Variants in GAB3 observed in about 807,000 individuals in gnomAD.
GAB3 encodes GRB2-associated-binding protein 3.
GAB3 carries 12 observed loss-of-function variants against 40.4 expected under a neutral mutation model. That is an observed-to-expected ratio of 0.30 (90% CI 0.19 to 0.48). The LOEUF is 0.48. Ranked by LOEUF, GAB3 falls within the 20% of genes least tolerant of loss-of-function variation. The probability of loss-of-function intolerance (pLI) is 0.99; values close to 1 mark genes in which losing one functional copy is unlikely to be tolerated. For missense variants in GAB3, 381 were observed against 461.9 expected (o/e 0.82, Z 1.61); for synonymous variants, 154 against 176.7 (o/e 0.87, Z 1.02).
Position 154,680,261 on chromosome X carries a change from A to G in GAB3, c.1531-13T>C. ...TTCGGTGCTCCTCCTAGGAACCAAC[A>G]TCACAGGAGTCAGGTTAATGATGTC... On this transcript the variant is annotated splice_polypyrimidine_tract_variant and intron_variant, in intron 8 of 9. Coordinates refer to ENST00000424127, the MANE Select transcript of GAB3 (RefSeq NM_001081573.3). 8.9e-7 allele frequency: 1 copy of G among 1,127,204 alleles called. No homozygotes were observed. 92.9% of individuals were successfully genotyped at this position (1,127,204 alleles called of 1,213,427 possible).
intron 1 of GAB3, among the ~76,000 whole-genome samples, chrX:154,722,810 T>C (rs1557258917): frequency 8.9e-6 from 1 of 112,280 alleles, no homozygotes; most frequent in African/African-American, 3.2e-5. Context: ...GAGGGACTTC[T>C]GTTGTGGGTG....
chrX:154,750,646 G>A (rs2071599373), intron 1 of GAB3, among the ~76,000 whole-genome samples: 1 of 112,517 alleles, frequency 8.9e-6, no homozygotes, highest in Admixed American at 9.3e-5. Context: ...CTCCCTGGCC[G>A]CTCCTGTACG....
At chrX:154,713,474 G>A (rs375433396) in intron 2 of GAB3, 48 bp from the exon 3 acceptor site, 14 of 1,057,392 alleles carry the variant, frequency 1.3e-5, no homozygotes, top group Admixed American at 2.3e-5. Flanking sequence ...GCTATAACAC[G>A]CACTCAAAAT....
intron 1 of GAB3, among the ~76,000 whole-genome samples, chrX:154,728,462 G>A (rs1199804750): frequency 1.8e-5 from 2 of 112,183 alleles, no homozygotes; most frequent in Non-Finnish European, 3.8e-5. Context: ...CTCCTTCTGC[G>A]CTGCTTTTTC....
In GAB3 at chrX:154,697,210, C is replaced by T. The variant is rs782319133; in HGVS notation, c.1349G>A (p.Arg450Gln). The change falls in exon 7 of 10, where the codon CGG becomes CAG. Residue 450 changes from arginine (R) to glutamine (Q), a missense_variant. Arg to Gln is a conservative substitution (Grantham distance 43). Transcript: ENST00000424127. Reference protein sequence around the residue: ...NRDLKPQRKSRPPPLDLRNLS... With the variant: ...NRDLKPQRKSQPPPLDLRNLS... The stretch of plus-strand genomic sequence containing the variant: ...GTTTCTCAGGTCCAGAGGAGGTGGC[C>T]GTGCTACAAGACAGTGTGCAACATC... 13 of 1,176,919 alleles carry T rather than the reference C, an allele frequency of 1.1e-5. No individual in the cohort carries two copies. The South Asian group carries it at 2.3e-4, about 21-fold the overall frequency.
At chrX:154,712,806 C>T (rs893072524) in intron 3 of GAB3, 105 bp from the exon 4 acceptor site, 9 of 447,098 alleles carry the variant, frequency 2.0e-5, no homozygotes, top group Non-Finnish European at 3.3e-5. Flanking sequence ...TTGCTTGCTA[C>T]TTGCATAGCC....
intron 4 of GAB3, 88 bp from the exon 5 acceptor site, chrX:154,700,147 A>C (rs2070719510): frequency 1.4e-6 from 1 of 720,366 alleles, no homozygotes; most frequent in African/African-American, 2.1e-5. Flanking sequence ...ATAACACAAC[A>C]GTTGCTATTA....
intron 1 of GAB3, among the ~76,000 whole-genome samples, chrX:154,745,539 C>T (rs1241005225): frequency 6.3e-5 from 7 of 110,965 alleles, no homozygotes; most frequent in African/African-American, 2.0e-4. Flanking sequence ...AGAAAATAAA[C>T]GAAACCAAAG....
Position 154,682,748 on chromosome X carries a change from C to T in GAB3, c.1531-2500G>A, listed in dbSNP as rs373544397. On this transcript the variant is annotated intron_variant, in intron 8 of 9. Transcript: ENST00000424127. ...ATCCCAGCACTTTGGGAGGCCGAGG[C>T]GAGCGGATCACTTGGGGTCAGGAGT... is the stretch of plus-strand genomic sequence containing the variant. Among the ~76,000 whole-genome samples, 19 of 111,121 alleles carry T rather than the reference C, an allele frequency of 1.7e-4. No individual in the cohort carries two copies. The East Asian group carries it at 3.7e-3, about 21-fold the overall frequency.
At chrX:154,729,639 G>A (rs1027144164) in intron 1 of GAB3, among the ~76,000 whole-genome samples, 2 of 112,122 alleles carry the variant, frequency 1.8e-5, no homozygotes, top group African/African-American at 6.5e-5. Context: ...GCAATTAGCA[G>A]ATAATACTAT....
intron 1 of GAB3, among the ~76,000 whole-genome samples, chrX:154,722,993 C>A (rs1456351063): frequency 9.0e-6 from 1 of 111,329 alleles, no homozygotes; most frequent in Non-Finnish European, 1.9e-5. Flanking sequence ...ATTCTCCTGC[C>A]TCAGCCTCCC....
intron 8 of GAB3, among the ~76,000 whole-genome samples, chrX:154,695,700 T>C (rs1374518287): frequency 8.9e-6 from 1 of 112,341 alleles, no homozygotes; most frequent in Non-Finnish European, 1.9e-5. Flanking sequence ...AATACTGCAA[T>C]CTCAAAATGG....
At chrX:154,750,144 T>G (rs902595496) in intron 1 of GAB3, among the ~76,000 whole-genome samples, 9 of 112,846 alleles carry the variant, frequency 8.0e-5, no homozygotes, top group Admixed American at 3.7e-4. Flanking sequence ...GCTATTTATA[T>G]GCAACTCCCT....
At chrX:154,744,691 C>A (rs1171763492) in intron 1 of GAB3, among the ~76,000 whole-genome samples, 1 of 111,975 alleles carries the variant, frequency 8.9e-6, no homozygotes, top group Non-Finnish European at 1.9e-5. Flanking sequence ...ACCAACCTGG[C>A]CTAATTAACA....
At chrX:154,690,514 C>T (rs1173996622) in intron 8 of GAB3, among the ~76,000 whole-genome samples, 1 of 112,247 alleles carries the variant, frequency 8.9e-6, no homozygotes, top group African/African-American at 3.2e-5. Context: ...TCGCAACCTA[C>T]TCATCTGACA....
chrX:154,732,235 C>T (rs1459224619), intron 1 of GAB3, among the ~76,000 whole-genome samples: 1 of 111,831 alleles, frequency 8.9e-6, no homozygotes, highest in African/African-American at 3.3e-5. Context: ...AAAAATACAA[C>T]ATCATTTTGT....
Position 154,713,209 on chromosome X carries a change from G to C in GAB3, c.594C>G (p.Thr198=). The change falls in exon 3 of 10, where the codon ACC becomes ACG. Residue 198 remains threonine (T), a splice_region_variant and synonymous_variant. Transcript: ENST00000424127. ...CAGAGTCCTGGGCATAAGCATACCT[G>C]GTATGGTGCAGTCTTCCAGTCTCGC... is the stretch of plus-strand genomic sequence containing the variant. ...SNCETGRLHH[T]SLPTRCDSWS... 8.3e-7 allele frequency: 1 copy of C among 1,204,254 alleles called. No homozygotes were observed.
chrX:154,709,498 T>A (rs1432320362), intron 4 of GAB3, among the ~76,000 whole-genome samples: 30 of 109,273 alleles, frequency 2.7e-4, no homozygotes, highest in Non-Finnish European at 7.6e-5. Context: ...TTTTGTATTT[T>A]TAGTAGAGAC....
intron 4 of GAB3, among the ~76,000 whole-genome samples, chrX:154,709,367 C>G (rs924981756): frequency 1.6e-4 from 17 of 104,955 alleles, no homozygotes; most frequent in Non-Finnish European, 3.1e-4. Context: ...GTCGCCCAGA[C>G]TGGAGTGCAG....
Sources: gnomAD v4.1 joint callset for allele counts (sites outside exome capture counted in the v4.1 genomes callset) on GRCh38, gnomAD v4.1.1 for gene constraint, MANE v1.5 for transcripts, NCBI Gene and HGNC (gene_info 2026-07-23, HGNC 2026-07-21) for gene names.